The following NBPF20 variants were observed in gnomAD, a reference collection of about 807,000 sequenced individuals.
NBPF20 encodes NBPF family member NBPF20.
A neutral mutation model predicts 68.1 loss-of-function variants in NBPF20; 90 were observed. The ratio of observed to expected loss-of-function variants is 1.32; its 90% CI spans 1.11 to 1.58. The LOEUF (loss-of-function observed/expected upper bound fraction) is 1.58, where lower values mean the gene tolerates loss of function less well. Among genes scored for constraint, NBPF20 ranks in the 40% most tolerant of loss-of-function variants. The pLI is 0.00. For synonymous variants in NBPF20, 290 were observed against 228.1 expected, an observed-to-expected ratio of 1.27 and a Z score of -2.45; for missense variants, 816 against 601.2, an observed-to-expected ratio of 1.36 and a Z score of -3.74.
chr1:145,424,353 A>G, the NBPF20 span, among the ~76,000 whole-genome samples: 1 of 152,162 alleles, frequency 6.6e-6, no homozygotes, highest in Non-Finnish European at 1.5e-5. Flanking sequence ...CAAAGTTCTC[A>G]GAAATCTTAA....
intron 3 of NBPF20, 121 bp from the exon 9 acceptor site, chr1:145,402,502 T>C (rs1662570745): frequency 2.1e-6 from 2 of 960,730 alleles, no homozygotes; most frequent in Non-Finnish European, 3.4e-6. Context: ...GGTCAGCACA[T>C]GTTTAAAGGA....
At chr1:145,394,382 C>T (rs1292550538) in intron 8 of NBPF20, among the ~76,000 whole-genome samples, 4 of 151,962 alleles carry the variant, frequency 2.6e-5, no homozygotes, top group Non-Finnish European at 5.9e-5. Flanking sequence ...TGGTTCTACA[C>T]AGAAGCATCA....
the NBPF20 span, among the ~76,000 whole-genome samples, chr1:145,416,135 A>C: frequency 1.3e-5 from 2 of 151,742 alleles, no homozygotes; most frequent in African/African-American, 4.8e-5. Context: ...CCATCTCCAA[A>C]AAAAAAAAGA....
chr1:145,397,434 C>A (rs1302855232), intron 7 of NBPF20, among the ~76,000 whole-genome samples: 13 of 152,232 alleles, frequency 8.5e-5, no homozygotes, highest in African/African-American at 3.1e-4. Context: ...GCATCTTCAA[C>A]ATTCTTAAAG....
chr1:145,396,994 C>T (rs1354172398), intron 7 of NBPF20, among the ~76,000 whole-genome samples: 1 of 112,054 alleles, frequency 8.9e-6, no homozygotes, highest in African/African-American at 3.6e-5. Flanking sequence ...GTTCAATTCC[C>T]ACCTGTGAGT....
chr1:145,341,085 T>C (rs1661608228), intron 75 of NBPF20, 146 bp from the exon 81 acceptor site: 1 of 405,620 alleles, frequency 2.5e-6, no homozygotes, highest in Non-Finnish European at 4.6e-6. Flanking sequence ...TGCCTTTATG[T>C]TGGGATAGAA....
At chr1:145,399,870 G>C (rs1210366259) in intron 6 of NBPF20, among the ~76,000 whole-genome samples, 4 of 147,810 alleles carry the variant, frequency 2.7e-5, no homozygotes, top group African/African-American at 7.5e-5. Flanking sequence ...GTCCAGCCTT[G>C]CTTTATGGAA....
the NBPF20 span, among the ~76,000 whole-genome samples, chr1:145,425,283 C>G: frequency 6.6e-6 from 1 of 151,060 alleles, no homozygotes. Context: ...GCGACAGCCG[C>G]AGCTCGACCC....
At chr1:145,292,629 C>G in intron 136 of NBPF20, 140 bp from the exon 142 acceptor site, 2 of 740,510 alleles carry the variant, frequency 2.7e-6, no homozygotes, top group South Asian at 1.4e-5. Context: ...TTTCAGGAGG[C>G]CTGAAGGCTG....
chr1:145,392,755 A>G (rs1174660805), intron 10 of NBPF20, among the ~76,000 whole-genome samples: 1 of 80,444 alleles, frequency 1.2e-5, no homozygotes, highest in Non-Finnish European at 2.1e-5. Flanking sequence ...AGAGTGAAGG[A>G]TGAAATCTAC....
At chr1:145,422,649 T>C in the NBPF20 span, among the ~76,000 whole-genome samples, 1 of 152,138 alleles carries the variant, frequency 6.6e-6, no homozygotes, top group Non-Finnish European at 1.5e-5. Flanking sequence ...AAGAATAGTC[T>C]TTTCAATAAA....
intron 119 of NBPF20, among the ~76,000 whole-genome samples, chr1:145,306,271 A>G (rs1318552547): frequency 1.8e-3 from 271 of 147,372 alleles, no homozygotes; most frequent in East Asian, 8.0e-3. Context: ...AGACACACAC[A>G]CACACACACA....
intron 5 of NBPF20, 39 bp downstream of exon 10, chr1:145,401,020 G>C (rs1307730020): frequency 9.2e-6 from 14 of 1,527,192 alleles, no homozygotes; most frequent in Non-Finnish European, 1.1e-5. Flanking sequence ...TTCCTCATAT[G>C]TTACCATCCA....
the NBPF20 span, among the ~76,000 whole-genome samples, chr1:145,425,601 G>T: frequency 6.6e-6 from 1 of 152,338 alleles, no homozygotes; most frequent in East Asian, 1.9e-4. Flanking sequence ...CGCCGGGCGC[G>T]TCAAGAGAGC....
chr1:145,311,060 AG>A (rs1661465296), intron 113 of NBPF20, among the ~76,000 whole-genome samples: 1 of 86,136 alleles, frequency 1.2e-5, no homozygotes, highest in South Asian at 4.1e-4. Flanking sequence ...GAGAGGAGAA[AG>A]TAAGCTCAGC....
chr1:145,402,477 G>C (rs1571373863), intron 3 of NBPF20, 96 bp from the exon 9 acceptor site: 3 of 1,377,946 alleles, frequency 2.2e-6, no homozygotes, highest in Non-Finnish European at 3.1e-6. Flanking sequence ...TCCTCAAGGA[G>C]ACCTCGAAGC....
At chr1:145,402,379 T>C in exon 4 of NBPF20, 4 of 1,603,210 alleles carry the variant, frequency 2.5e-6, no homozygotes, top group Non-Finnish European at 3.4e-6. Flanking sequence ...GACTTTATAT[T>C]GCCTAAGGTG....
At chr1:145,292,227 C>A (rs1553658049) in intron 137 of NBPF20, among the ~76,000 whole-genome samples, 154 bp downstream of exon 142, 1 of 149,082 alleles carries the variant, frequency 6.7e-6, no homozygotes, top group Non-Finnish European at 1.5e-5. Context: ...AAATGGAAAC[C>A]TAAACATCTA....
In NBPF20 at chr1:145,372,461, C is replaced by T. The variant is rs1377927029; in HGVS notation, c.4369+51G>A. 199 of 382,210 alleles carry T rather than the reference C, an allele frequency of 5.2e-4. 23 individuals carry two copies. The highest frequency in any genetic ancestry group is 7.6e-4 in the Non-Finnish European group (173 of 226,848). 23.7% of individuals were successfully genotyped at this position (382,210 alleles called of 1,614,324 possible). A position where few individuals can be genotyped will look rare whatever the true frequency, so the allele number is the denominator to read the frequency against. On this transcript the variant is annotated intron_variant, in intron 36 of 137. Transcript: ENST00000369373. The stretch of plus-strand genomic sequence containing the variant: ...GCCACTTGGAACAGGAATATCACCC[C>T]TATCTGGAAGACCAGGTGGAGGCTT...
Sources: gnomAD v4.1 joint callset for allele counts (sites outside exome capture counted in the v4.1 genomes callset) on GRCh38, gnomAD v4.1.1 for gene constraint, MANE v1.5 for transcripts, NCBI Gene and HGNC (gene_info 2026-07-23, HGNC 2026-07-21) for gene names.